Variants in CHP1 observed in about 807,000 individuals in gnomAD.
CHP1 encodes the protein calcineurin like EF-hand protein 1, also known as calcineurin B homologous protein 1.
A neutral mutation model predicts 27.4 loss-of-function variants in CHP1; 11 were observed. The ratio of observed to expected loss-of-function variants is 0.40; its 90% confidence interval spans 0.25 to 0.67. CHP1 has a LOEUF of 0.67. Ranked by LOEUF, CHP1 falls within the 30% of genes least tolerant of loss-of-function variation. The pLI is 0.38. For missense variants in CHP1, 169 were observed against 251.3 expected, an observed-to-expected ratio of 0.67 and a Z score of 2.22; for synonymous variants, 89 against 87.4, an observed-to-expected ratio of 1.02 and a Z score of -0.10.
At chr15:41,248,157 T>G (rs146912462) in intron 2 of CHP1, among the ~76,000 whole-genome samples, 53 of 151,776 alleles carry the variant, frequency 3.5e-4, no homozygotes, top group African/African-American at 1.2e-3. Context: ...TATTTTTTTT[T>G]TTTTTGTAAG....
At chr15:41,277,292 A>G (rs1394352138) in intron 5 of CHP1, among the ~76,000 whole-genome samples, 1 of 152,206 alleles carries the variant, frequency 6.6e-6, no homozygotes. Context: ...CCGTGCAGCA[A>G]GTTACTGTTC....
At chr15:41,253,233 G>A (rs144622369) in intron 2 of CHP1, among the ~76,000 whole-genome samples, 128 of 151,756 alleles carry the variant, frequency 8.4e-4, no homozygotes, top group African/African-American at 2.9e-3. Flanking sequence ...CACTGTGCCC[G>A]GCCTTCGGAT....
chr15:41,278,626 C>T lies in CHP1; in HGVS notation c.412-141C>T, dbSNP rs181642093. 1.2e-4 allele frequency: 115 copies of T among 979,290 alleles called. No homozygotes were observed. The East Asian group carries it at 2.7e-3, about 23-fold the overall frequency. 60.7% of individuals were successfully genotyped at this position (979,290 alleles called of 1,614,324 possible). On this transcript the variant is annotated intron_variant, in intron 5 of 6. Transcript: ENST00000334660. ...CATTATATATGCAGTCGGTCATTAA[C>T]CAAAACATTATTATGCAGTGCATGA...
chr15:41,253,662 G>T (rs985300727), intron 2 of CHP1, among the ~76,000 whole-genome samples: 7 of 151,612 alleles, frequency 4.6e-5, no homozygotes, highest in Non-Finnish European at 1.5e-5. Flanking sequence ...CACCGTGTTA[G>T]CCAGGTTGGT....
chr15:41,245,193 G>A (rs923049377), intron 2 of CHP1, among the ~76,000 whole-genome samples: 2 of 152,174 alleles, frequency 1.3e-5, no homozygotes, highest in Non-Finnish European at 2.9e-5. Context: ...GGACACGGTG[G>A]CTCATGCCTG....
intron 5 of CHP1, among the ~76,000 whole-genome samples, chr15:41,277,892 G>A (rs981814826): frequency 6.6e-6 from 1 of 151,906 alleles, no homozygotes; most frequent in Non-Finnish European, 1.5e-5. Flanking sequence ...CGGAGGTGAG[G>A]CTGCAGTGAG....
At chr15:41,267,826 C>T (rs576295566) in intron 4 of CHP1, among the ~76,000 whole-genome samples, 1 of 150,074 alleles carries the variant, frequency 6.7e-6, no homozygotes, top group African/African-American at 2.5e-5. Flanking sequence ...CCTAGCTGCT[C>T]AGGAGGCTGA....
intron 1 of CHP1, among the ~76,000 whole-genome samples, chr15:41,235,354 C>A (rs1160226371): frequency 1.3e-5 from 2 of 151,918 alleles, no homozygotes. Context: ...CCCATCTCTA[C>A]AAAAAAATAA....
intron 1 of CHP1, among the ~76,000 whole-genome samples, chr15:41,236,369 C>T (rs1165382755): frequency 1.3e-5 from 2 of 152,160 alleles, no homozygotes; most frequent in African/African-American, 4.8e-5. Flanking sequence ...TCAAGCAATC[C>T]TCCCAGCTCA....
At chr15:41,233,409 T>G (rs776113529) in intron 1 of CHP1, among the ~76,000 whole-genome samples, 7 of 152,202 alleles carry the variant, frequency 4.6e-5, no homozygotes, top group African/African-American at 1.7e-4. Context: ...GGAAATGACC[T>G]GGATGGGATA....
intron 1 of CHP1, among the ~76,000 whole-genome samples, chr15:41,237,189 C>T (rs1326335637): frequency 6.7e-6 from 1 of 150,190 alleles, no homozygotes. Context: ...TTTTGTCGCC[C>T]AGGCTGGAGT....
chr15:41,274,790 GTT>G (rs34053067), intron 5 of CHP1, among the ~76,000 whole-genome samples: 19,517 of 120,322 alleles, frequency 0.16, 1,927 homozygotes, highest in African/African-American at 0.38. Context: ...CATTGTCTTT[GTT>G]TTTTTTTTTT....
intron 1 of CHP1, among the ~76,000 whole-genome samples, chr15:41,231,999 AG>A (rs2047248429): frequency 6.6e-6 from 1 of 152,096 alleles, no homozygotes; most frequent in African/African-American, 2.4e-5. Flanking sequence ...TTAAACAATC[AG>A]GGGTCTGGGA....
intron 5 of CHP1, among the ~76,000 whole-genome samples, chr15:41,271,689 C>T (rs531413224): frequency 9.2e-5 from 14 of 152,178 alleles, no homozygotes; most frequent in Non-Finnish European, 1.9e-4. Context: ...TGTTTTCCTA[C>T]TAGCAGTGAC....
chr15:41,256,648 T>A (rs764763909), intron 2 of CHP1: 2 of 469,116 alleles, frequency 4.3e-6, no homozygotes, highest in Non-Finnish European at 7.7e-6. Flanking sequence ...TGTCCATCAG[T>A]TGGCTTATTG....
chr15:41,258,703 C>A (rs1165656365), intron 3 of CHP1, among the ~76,000 whole-genome samples: 1 of 152,162 alleles, frequency 6.6e-6, no homozygotes, highest in Non-Finnish European at 1.5e-5. Flanking sequence ...TGATTAGGTA[C>A]CTTTTCAACA....
chr15:41,234,704 TA>T (rs1221206698), intron 1 of CHP1, among the ~76,000 whole-genome samples: 3 of 152,224 alleles, frequency 2.0e-5, no homozygotes, highest in Non-Finnish European at 4.4e-5. Context: ...GTGCCTACTT[TA>T]TAGGATTCTT....
chr15:41,247,976 A>AAAAT (rs59061543), intron 2 of CHP1, among the ~76,000 whole-genome samples: 23,964 of 141,672 alleles, frequency 0.17, 2,582 homozygotes, highest in African/African-American at 0.32. Flanking sequence ...CTCAAATAAA[A>AAAAT]AAATAAATAA....
intron 5 of CHP1, among the ~76,000 whole-genome samples, chr15:41,276,259 C>A (rs1164067703): frequency 6.7e-6 from 1 of 149,478 alleles, no homozygotes; most frequent in African/African-American, 2.5e-5. Context: ...AAAAAAGAAT[C>A]TATTTCATGA....
Sources: allele counts gnomAD v4.1 joint callset (sites outside exome capture counted in the v4.1 genomes callset), GRCh38; gene constraint gnomAD v4.1.1; transcripts MANE v1.5; gene names NCBI Gene and HGNC (gene_info 2026-07-23, HGNC 2026-07-21).